The following COL6A2 variants were observed in gnomAD, a reference collection of about 807,000 sequenced individuals.
The protein encoded by COL6A2 is collagen type VI alpha 2 chain.
COL6A2 carries 90 observed loss-of-function variants against 124.9 expected under a neutral mutation model. The ratio of observed to expected loss-of-function variants is 0.72; its 90% confidence interval spans 0.61 to 0.86. The LOEUF (loss-of-function observed/expected upper bound fraction) is 0.86, where lower values mean the gene tolerates loss of function less well. COL6A2 is among the 40% of genes least tolerant of loss of function. COL6A2 has a pLI of 0.00. For synonymous variants in COL6A2, 793 were observed against 618.2 expected (o/e 1.28, Z -4.19); for missense variants, 1,607 against 1,502.5 (o/e 1.07, Z -1.15).
intron 4 of COL6A2, chr21:46,113,741 C>T (rs2078435197): frequency 3.6e-6 from 2 of 549,954 alleles, no homozygotes; most frequent in Non-Finnish European, 3.3e-6. Flanking sequence ...CTTCTATTTT[C>T]TGTCATGGCT....
Position 46,132,148 on chromosome 21 carries a change from G to C in COL6A2, c.2656G>C (p.Gly886Arg). 1 of 1,570,674 alleles carries C rather than the reference G, an allele frequency of 6.4e-7. No individual in the cohort carries two copies. Among genetic ancestry groups the C allele is most frequent in the Non-Finnish European group, 8.6e-7 (1 of 1,159,942 alleles). Residue 886 changes from glycine (G) to arginine (R), a missense_variant, in exon 28 of 28, where the codon GGC becomes CGC. By Grantham distance (125) the Gly-to-Arg change is moderately radical. Around this residue, in one of 3 missense-constraint regions of COL6A2, gnomAD observed 1,223 missense variants for 1,052.2 expected, o/e 1.16. Coordinates refer to ENST00000300527, the MANE Select transcript of COL6A2 (RefSeq NM_001849.4). ...RVALLQFGGP[G>R]EQQVAFPLSH... ...GGCGCTGCTGCAGTTTGGTGGCCCC[G>C]GCGAGCAGCAGGTGGCCTTCCCGCT...
intron 16 of COL6A2, 126 bp from the exon 17 acceptor site, chr21:46,120,935 G>C (rs969326419): frequency 1.1e-6 from 1 of 883,296 alleles, no homozygotes; most frequent in South Asian, 1.4e-5. Context: ...TCCGGGGAGG[G>C]TCATAGGGGC....
chr21:46,124,214 GTGGATGGATGA>G (rs1301259607), intron 21 of COL6A2, among the ~76,000 whole-genome samples: 3 of 149,660 alleles, frequency 2.0e-5, no homozygotes, highest in African/African-American at 4.9e-5. Flanking sequence ...GGGTGGCTGG[GTGGATGGATGA>G]TGGATGGGTG....
chr21:46,130,840 G>A (rs2839117), intron 27 of COL6A2, among the ~76,000 whole-genome samples: 35,567 of 152,142 alleles, frequency 0.23, 5,269 homozygotes, highest in African/African-American at 0.42. Context: ...TTCACTGAAT[G>A]AGCTGCGTCA....
rs1294895095 is a variant in COL6A2, at chr21:46,132,660, C to T, written c.*108C>T. On this transcript the variant is annotated 3_prime_UTR_variant, in exon 28 of 28. Transcript: ENST00000300527. The stretch of plus-strand genomic sequence containing the variant: ...GCACCGCTGCTCACTCGGACGACGC[C>T]CTGGGCCTGCACCTCTCCAGCTCCT... 8.7e-7 allele frequency: 1 copy of T among 1,145,464 alleles called. No individual in the cohort carries two copies. Among genetic ancestry groups the T allele is most frequent in the East Asian group, 2.6e-5 (1 of 38,758 alleles). The allele number at this position is 1,145,464 out of a possible 1,614,324, so 71.0% of individuals were successfully genotyped here.
intron 20 of COL6A2, 111 bp downstream of exon 20, chr21:46,122,642 G>T (rs989198142): frequency 7.8e-7 from 1 of 1,289,614 alleles, no homozygotes; most frequent in Non-Finnish European, 1.1e-6. Flanking sequence ...GTCTTGAGAT[G>T]GTCCTGGCTC....
At chr21:46,126,772 T>TG (rs1018305288) in intron 27 of COL6A2, among the ~76,000 whole-genome samples, 5 of 152,036 alleles carry the variant, frequency 3.3e-5, no homozygotes, top group African/African-American at 1.2e-4. Flanking sequence ...GGCCATGAGG[T>TG]GGGTGCTGCT....
At position 46,121,632 on chromosome 21, in the gene COL6A2, C is replaced by T. The variant is rs754969293; in HGVS notation, c.1521+14C>T. ...CCAGGCCCCAAGGTACGTGCCCCTC[C>T]CCCAGCAGGACGTATTAGGGGTTCG... On this transcript the variant is annotated intron_variant, in intron 18 of 27. Transcript: ENST00000300527. The T allele has an allele frequency of 2.5e-6, 4 of 1,612,404 alleles. No homozygotes were observed. The highest frequency in any genetic ancestry group is 3.4e-6 in the Non-Finnish European group (4 of 1,179,682).
At chr21:46,121,422 C>T (rs539945385) in intron 17 of COL6A2, 134 bp from the exon 18 acceptor site, 72 of 879,926 alleles carry the variant, frequency 8.2e-5, no homozygotes, top group Admixed American at 2.0e-4. Context: ...CAGAGGTCCA[C>T]GGCCCCCACA....
In COL6A2 at chr21:46,125,306, G is replaced by A. The variant is rs1420375071; in HGVS notation, c.1811G>A (p.Cys604Tyr). Reference protein sequence around the residue: ...VMTYVRETCGCCDCEKRCGAL... With the variant: ...VMTYVRETCGYCDCEKRCGAL... ...ACCTACGTGAGGGAGACCTGCGGGT[G>A]CTGCGGTGAGGCACTGCCCACGGCA... Residue 604 changes from cysteine to tyrosine, a missense_variant, in exon 24 of 28, where the codon TGC becomes TAC. Cys to Tyr is a radical substitution (Grantham distance 194). Coordinates refer to ENST00000300527, the MANE Select transcript of COL6A2 (RefSeq NM_001849.4). 1.9e-6 allele frequency: 3 copies of A among 1,611,014 alleles called. No homozygotes were observed. Among genetic ancestry groups the A allele is most frequent in the Non-Finnish European group, 1.7e-6 (2 of 1,178,932 alleles).
chr21:46,110,052 G>T (rs946279299), intron 1 of COL6A2, among the ~76,000 whole-genome samples: 2 of 152,196 alleles, frequency 1.3e-5, no homozygotes, highest in Admixed American at 6.5e-5. Context: ...GTGGAGCATG[G>T]TACCTGGCCA....
In COL6A2 at chr21:46,116,821, G is replaced by A. The variant is rs199783099; in HGVS notation, c.999+7G>A. On this transcript the variant is annotated splice_region_variant and intron_variant, in intron 10 of 27. Coordinates refer to ENST00000300527, the MANE Select transcript of COL6A2 (RefSeq NM_001849.4). This position sits in a 1 kb window ranked among gnomAD's most constrained non-coding sequence, Gnocchi z 4.6. ...CGGGACCGATGGACAGAAGGTAGAG[G>A]GAGCCTCGGGCTCACAGCTGGACTG... The A allele has an allele frequency of 3.1e-6, 5 of 1,612,740 alleles. No homozygotes were observed. In the Admixed American group the frequency reaches 5.0e-5, roughly 16 times the overall value.
chr21:46,116,474 C>A lies in COL6A2; in HGVS notation c.927+71C>A. 6.3e-7 allele frequency: 1 copy of A among 1,598,478 alleles called. No homozygotes were observed. The highest frequency in any genetic ancestry group is 8.6e-7 in the Non-Finnish European group (1 of 1,168,698). The stretch of plus-strand genomic sequence containing the variant: ...CCCAGACCCACCTCTTGGCGTCCGC[C>A]GCAGCCTGTCACTGCTCCTGGGGCA... On this transcript the variant is annotated intron_variant, in intron 8 of 27. Coordinates refer to ENST00000300527, the MANE Select transcript of COL6A2 (RefSeq NM_001849.4). The surrounding 1 kb of genome is among the most constrained non-coding windows in gnomAD (Gnocchi z 4.6).
rs373366455 is a variant in COL6A2 at position 46,115,944 on chromosome 21, C to T, written c.855+19C>T. Reference sequence around the variant, plus strand: ...AAGACAGGTGAGTGTCCTTGCCCCACGCCCGCCCCGCCTGCAGCCCAGCGC... The same window carrying T: ...AAGACAGGTGAGTGTCCTTGCCCCATGCCCGCCCCGCCTGCAGCCCAGCGC... On this transcript the variant is annotated intron_variant, in intron 6 of 27. Coordinates refer to ENST00000300527, the MANE Select transcript of COL6A2 (RefSeq NM_001849.4). The T allele has an allele frequency of 1.0e-4, 162 of 1,611,964 alleles. No homozygotes were observed. Among genetic ancestry groups the T allele is most frequent in the Non-Finnish European group, 1.3e-4 (151 of 1,179,532 alleles).
chr21:46,129,156 A>T, intron 27 of COL6A2: 1 of 1,612,038 alleles, frequency 6.2e-7, no homozygotes, highest in East Asian at 2.2e-5. Flanking sequence ...GCCGACGCCC[A>T]CCGCAGGCCT....
Position 46,132,721 on chromosome 21 carries a change from C to T in COL6A2, c.*169C>T, listed in dbSNP as rs1027624336. 6 of 667,482 alleles carry T rather than the reference C, an allele frequency of 9.0e-6. No homozygotes were observed. Among genetic ancestry groups the T allele is most frequent in the Non-Finnish European group, 1.3e-5 (5 of 389,736 alleles). 41.3% of individuals were successfully genotyped at this position (667,482 alleles called of 1,614,324 possible). On this transcript the variant is annotated 3_prime_UTR_variant, in exon 28 of 28. Coordinates refer to ENST00000300527, the MANE Select transcript of COL6A2 (RefSeq NM_001849.4). ...CCCCGTAGCCCCGGCCCCCGCCCAG[C>T]CCCAGGTCTCCCCAGGCCCTCCGCA...
chr21:46,112,239 A>C lies in COL6A2; in HGVS notation c.376A>C (p.Ser126Arg). Residue 126 changes from serine (S) to arginine (R), a missense_variant, in exon 3 of 28, where the codon AGC (serine) becomes CGC (arginine). Ser to Arg is a moderately radical substitution (Grantham distance 110, BLOSUM62 -1). This residue lies in a region of COL6A2 where 342 missense variants were observed against 381.5 expected (regional missense o/e 0.90). Coordinates refer to ENST00000300527, the MANE Select transcript of COL6A2 (RefSeq NM_001849.4). The part of the protein sequence containing the change: ...ASFIKNLQGI[S>R]SFRRGTFTDC... The stretch of plus-strand genomic sequence containing the variant: ...CTTCATCAAGAACCTGCAGGGCATC[A>C]GCTCCTTCCGCCGCGGCACCTTCAC... 1 of 1,612,844 alleles carries C rather than the reference A, an allele frequency of 6.2e-7. No homozygotes were observed. The highest frequency in any genetic ancestry group is 8.5e-7 in the Non-Finnish European group (1 of 1,180,000).
In COL6A2 at chr21:46,126,016, G is replaced by T; in HGVS notation, c.2201G>T (p.Arg734Leu). ...RVFAVVITDGRHDPRDDDLNL... is the reference protein window; with the variant it reads ...RVFAVVITDGLHDPRDDDLNL... ...TTTGCGGTGGTCATCACGGACGGGC[G>T]CCACGACCCTCGGGACGATGACCTC... Residue 734 changes from arginine to leucine, a missense_variant, in exon 26 of 28, where the codon CGC becomes CTC. Arg to Leu is a moderately radical substitution (Grantham distance 102, BLOSUM62 -2). Coordinates refer to ENST00000300527, the MANE Select transcript of COL6A2 (RefSeq NM_001849.4). 1 of 1,612,882 alleles carries T rather than the reference G, an allele frequency of 6.2e-7. No homozygotes were observed. Among genetic ancestry groups the T allele is most frequent in the Non-Finnish European group, 8.5e-7 (1 of 1,179,840 alleles).
At chr21:46,126,759 C>T (rs143721096) in intron 27 of COL6A2, among the ~76,000 whole-genome samples, 27 of 152,300 alleles carry the variant, frequency 1.8e-4, no homozygotes, top group East Asian at 1.7e-3. Context: ...AACAGCATCA[C>T]GAGGCCATGA....
Sources: gnomAD v4.1 joint callset for allele counts (sites outside exome capture counted in the v4.1 genomes callset) on GRCh38, gnomAD v4.1.1 for gene constraint, gnomAD v4.1.1 regional missense constraint, Gnocchi (gnomAD v3.1) non-coding constraint, MANE v1.5 for transcripts, NCBI Gene and HGNC (gene_info 2026-07-23, HGNC 2026-07-21) for gene names.